WDR33: variants seen among roughly 807,000 people sequenced by gnomAD.
The protein encoded by WDR33 is pre-mRNA 3' end processing protein WDR33.
Under a neutral mutation model 164.9 loss-of-function variants are expected in WDR33, and 47 were observed. The ratio of observed to expected loss-of-function variants is 0.29; its 90% CI spans 0.23 to 0.36. The LOEUF is 0.36. WDR33 is among the 10% of genes least tolerant of loss of function. The probability of loss-of-function intolerance (pLI) is 1.00; values close to 1 mark genes in which losing one functional copy is unlikely to be tolerated. For synonymous variants in WDR33, 505 were observed against 589.0 expected, an observed-to-expected ratio of 0.86 and a Z score of 2.06; for missense variants, 1,137 against 1,754.1, an observed-to-expected ratio of 0.65 and a Z score of 6.28.
Position 127,809,290 on chromosome 2 carries a change from C to T in WDR33, c.-24+1722G>A, listed in dbSNP as rs146056321. On this transcript the variant is annotated intron_variant, in intron 1 of 21. Transcript: ENST00000322313. The stretch of plus-strand genomic sequence containing the variant: ...TAGTAAAAATATAATTAAAGCCTTA[C>T]GTCAATATAAAACCGTGATGGCAAA... 6.2e-4 allele frequency among the ~76,000 whole-genome samples: 95 copies of T among 152,080 alleles called. No homozygotes were observed. In the Middle Eastern group the frequency reaches 0.01, roughly 16 times the overall value.
chr2:127,763,244 A>G lies in WDR33; in HGVS notation c.627-85T>C. 6.2e-7 allele frequency: 1 copy of G among 1,600,750 alleles called. No individual in the cohort carries two copies. The highest frequency in any genetic ancestry group is 8.5e-7 in the Non-Finnish European group (1 of 1,172,448). ...TTCTCAGACAGGGAAAAATAAAAAC[A>G]CTGTGCTGCATTATAAACAGGAGAG... On this transcript the variant is annotated intron_variant, in intron 6 of 21. Coordinates refer to ENST00000322313, the MANE Select transcript of WDR33 (RefSeq NM_018383.5). The surrounding 1 kb of genome is among the most constrained non-coding windows in gnomAD (Gnocchi z 4.5).
chr2:127,719,809 C>A lies in WDR33; in HGVS notation c.2216G>T (p.Gly739Val). The part of the protein sequence containing the change: ...LGPQGPPGTQ[G>V]MQGPPGPRGM... ...TCTGGGACCAGGTGGTCCCTGCATA[C>A]CTTGAGTACCCGGAGGCCCCTGTGG... Residue 739 changes from glycine to valine, a missense_variant, in exon 16 of 22, where the codon GGT becomes GTT. Physicochemically the swap from Gly to Val is moderately radical, Grantham distance 109 (BLOSUM62 -3). Transcript: ENST00000322313. This position sits in a 1 kb window ranked among gnomAD's most constrained non-coding sequence, Gnocchi z 6.5. 6.2e-7 allele frequency: 1 copy of A among 1,613,674 alleles called. No homozygotes were observed. The highest frequency in any genetic ancestry group is 1.7e-5 in the Admixed American group (1 of 60,022).
Position 127,723,248 on chromosome 2 carries a change from C to A in WDR33, c.1291+5G>T. ...CAAAGAAGGACAGATGTGCAAGAGT[C>A]TCACCATATTCTACTCCATCTTCAG... is the stretch of plus-strand genomic sequence containing the variant. On this transcript the variant is annotated splice_donor_5th_base_variant and intron_variant, in intron 12 of 21. Transcript: ENST00000322313. The surrounding 1 kb of genome is among the most constrained non-coding windows in gnomAD (Gnocchi z 5.9). The A allele has an allele frequency of 6.2e-7, 1 of 1,611,542 alleles. No homozygotes were observed. The highest frequency in any genetic ancestry group is 1.1e-5 in the South Asian group (1 of 90,660).
In WDR33 at chr2:127,759,012, G is replaced by A. The variant is rs541716527; in HGVS notation, c.724+4050C>T. 8.1e-4 allele frequency among the ~76,000 whole-genome samples: 123 copies of A among 152,210 alleles called. No individual in the cohort carries two copies. In the South Asian group the frequency reaches 0.014, roughly 17 times the overall value. On this transcript the variant is annotated intron_variant, in intron 7 of 21. Transcript: ENST00000322313. ...TCATTTAGTCTCGCATATTTCTCGTGTGTACAATGTTATTTTATCATAAGC... is the reference window on the plus strand; with the variant it reads ...TCATTTAGTCTCGCATATTTCTCGTATGTACAATGTTATTTTATCATAAGC...
At chr2:127,730,529 AAAC>A (rs1686675667) in intron 7 of WDR33, among the ~76,000 whole-genome samples, 1 of 152,224 alleles carries the variant, frequency 6.6e-6, no homozygotes, top group Non-Finnish European at 1.5e-5. Flanking sequence ...AAAAAAATGG[AAAC>A]AAATTTTAGA....
chr2:127,796,248 T>C (rs1445512711), intron 1 of WDR33, among the ~76,000 whole-genome samples: 3 of 151,820 alleles, frequency 2.0e-5, no homozygotes, highest in Non-Finnish European at 4.4e-5. Flanking sequence ...AATTTTTGTA[T>C]ATTTTTTTAG....
chr2:127,788,173 C>G (rs1338576403), intron 1 of WDR33, among the ~76,000 whole-genome samples: 1 of 108,484 alleles, frequency 9.2e-6, no homozygotes, highest in Non-Finnish European at 1.9e-5. Flanking sequence ...ACCTCCCAGA[C>G]GGGGCGGCTG....
intron 1 of WDR33, chr2:127,810,620 C>T (rs1689617483): frequency 6.6e-6 from 1 of 152,240 alleles, no homozygotes; most frequent in Non-Finnish European, 1.5e-5. Flanking sequence ...TTGCAGATTT[C>T]ACGTTAACTT....
At chr2:127,727,054 C>T (rs968160633) in intron 7 of WDR33, among the ~76,000 whole-genome samples, 18 of 152,138 alleles carry the variant, frequency 1.2e-4, no homozygotes, top group Non-Finnish European at 1.9e-4. Flanking sequence ...TTGGAGGCTG[C>T]ACCCCTCAAG....
Position 127,738,055 on chromosome 2 carries a change from C to G in WDR33, c.725-11278G>C. On this transcript the variant is annotated intron_variant, in intron 7 of 21. Transcript: ENST00000322313. This position sits in a 1 kb window ranked among gnomAD's most constrained non-coding sequence, Gnocchi z 4.4. Reference sequence around the variant, plus strand: ...CAACGGCAGTGATGAAAACATGTATCTATCAAAACAAGAAGGGTGCATGAA... The same window carrying G: ...CAACGGCAGTGATGAAAACATGTATGTATCAAAACAAGAAGGGTGCATGAA... The G allele has an allele frequency of 6.2e-7, 1 of 1,612,672 alleles. No homozygotes were observed. Among genetic ancestry groups the G allele is most frequent in the Middle Eastern group, 1.7e-4 (1 of 6,060 alleles).
At chr2:127,798,699 G>A (rs900516804) in intron 1 of WDR33, among the ~76,000 whole-genome samples, 2 of 151,686 alleles carry the variant, frequency 1.3e-5, no homozygotes, top group African/African-American at 4.8e-5. Context: ...AAACAAGTCA[G>A]TTTAGATTTC....
chr2:127,757,686 AGT>A (rs1687557751), intron 7 of WDR33, among the ~76,000 whole-genome samples: 1 of 152,152 alleles, frequency 6.6e-6, no homozygotes, highest in Non-Finnish European at 1.5e-5. Flanking sequence ...AATTCTGGGG[AGT>A]GTTTTGTAAA....
chr2:127,806,210 C>CTTTTTT lies in WDR33; in HGVS notation c.-24+4796_-24+4801dup, dbSNP rs200197402. Reference sequence around the variant, plus strand: ...CATCTCTTTAGTTGTTTTTCTTTTTCTTTTTTTTTTTTTTTTTGAGACAGT... The same window carrying CTTTTTT: ...CATCTCTTTAGTTGTTTTTCTTTTTCTTTTTTTTTTTTTTTTTTTTTTTGAGACAGT... On this transcript the variant is annotated intron_variant, in intron 1 of 21. Transcript: ENST00000322313. 4.9e-4 allele frequency among the ~76,000 whole-genome samples: 65 copies of CTTTTTT among 132,864 alleles called. 1 individual carries two copies. The highest frequency in any genetic ancestry group is 6.5e-4 in the East Asian group (3 of 4,632). The allele number at this position is 132,864 out of a possible 152,430, so 87.2% of individuals were successfully genotyped here. A position where few individuals can be genotyped will look rare whatever the true frequency, so the allele number is the denominator to read the frequency against.
rs1419760091 is a variant in WDR33, at chr2:127,711,772, A to ATTTTTTTTTTTTT, written c.3308+1810_3308+1811insAAAAAAAAAAAAA. 6.2e-3 allele frequency among the ~76,000 whole-genome samples: 540 copies of ATTTTTTTTTTTTT among 87,592 alleles called. 19 individuals carry two copies. The highest frequency in any genetic ancestry group is 0.02 in the Middle Eastern group (3 of 148). 57.5% of individuals were successfully genotyped at this position (87,592 alleles called of 152,430 possible). Reference sequence around the variant, plus strand: ...TACAGATATATATATATATATATATATATATATATTTTTTTTTTGAGACAG... The same window carrying ATTTTTTTTTTTTT: ...TACAGATATATATATATATATATATATTTTTTTTTTTTTTATATATATTTTTTTTTTGAGACAG... On this transcript the variant is annotated intron_variant, in intron 18 of 21. Coordinates refer to ENST00000322313, the MANE Select transcript of WDR33 (RefSeq NM_018383.5).
rs1052922059 is a variant in WDR33, at chr2:127,770,430, C to T, written c.204+348G>A. On this transcript the variant is annotated intron_variant, in intron 2 of 21. Coordinates refer to ENST00000322313, the MANE Select transcript of WDR33 (RefSeq NM_018383.5). This position sits in a 1 kb window ranked among gnomAD's most constrained non-coding sequence, Gnocchi z 4.9. The stretch of plus-strand genomic sequence containing the variant: ...CCAGGCCGGGCGCAGTGGCTCATGC[C>T]TGTAATCCCAGCACTTTGGGAGACT... 2.0e-5 allele frequency among the ~76,000 whole-genome samples: 3 copies of T among 152,146 alleles called. No individual in the cohort carries two copies. The highest frequency in any genetic ancestry group is 7.2e-5 in the African/African-American group (3 of 41,436).
chr2:127,729,759 T>C (rs1301359103), intron 7 of WDR33, among the ~76,000 whole-genome samples: 1 of 152,220 alleles, frequency 6.6e-6, no homozygotes, highest in Non-Finnish European at 1.5e-5. Context: ...CCTCCCAAAG[T>C]GTTGGGATTA....
In WDR33 at chr2:127,739,547, T is replaced by G. The variant is rs187532068; in HGVS notation, c.725-12770A>C. Reference sequence around the variant, plus strand: ...TGTTTAAATCTCAGATGTCACTTACTAGTTACGTCCTTAAGTAATCTACTT... The same window carrying G: ...TGTTTAAATCTCAGATGTCACTTACGAGTTACGTCCTTAAGTAATCTACTT... On this transcript the variant is annotated intron_variant, in intron 7 of 21. Coordinates refer to ENST00000322313, the MANE Select transcript of WDR33 (RefSeq NM_018383.5). 7.9e-5 allele frequency among the ~76,000 whole-genome samples: 12 copies of G among 152,390 alleles called. No individual in the cohort carries two copies. In the East Asian group the frequency reaches 2.3e-3, roughly 29 times the overall value.
chr2:127,708,093 C>T lies in WDR33; in HGVS notation c.3781+584G>A, dbSNP rs529891263. Among the ~76,000 whole-genome samples the T allele has an allele frequency of 4.1e-4, 62 of 152,302 alleles. No individual in the cohort carries two copies. Among genetic ancestry groups the T allele is most frequent in the Non-Finnish European group, 1.2e-4 (8 of 68,032 alleles). On this transcript the variant is annotated intron_variant, in intron 21 of 21. Coordinates refer to ENST00000322313, the MANE Select transcript of WDR33 (RefSeq NM_018383.5). This position sits in a 1 kb window ranked among gnomAD's most constrained non-coding sequence, Gnocchi z 6.7. ...AGCCACACCACCTATGCACCTCCCC[C>T]GCTGCCTTGCAACCAGAGTTGTATA...
At chr2:127,802,582 A>C (rs1689291704) in intron 1 of WDR33, among the ~76,000 whole-genome samples, 1 of 152,174 alleles carries the variant, frequency 6.6e-6, no homozygotes, top group Non-Finnish European at 1.5e-5. Flanking sequence ...ACGCCCAGCC[A>C]GTACTTTTTC....
Sources: allele counts gnomAD v4.1 joint callset (sites outside exome capture counted in the v4.1 genomes callset), GRCh38; gene constraint gnomAD v4.1.1; non-coding constraint Gnocchi (gnomAD v3.1); transcripts MANE v1.5; gene names NCBI Gene and HGNC (gene_info 2026-07-23, HGNC 2026-07-21).